The following SLC13A4 variants were observed in gnomAD, a reference collection of about 807,000 sequenced individuals.
SLC13A4 encodes Na(+)/sulfate cotransporter SUT-1.
In SLC13A4, 28 loss-of-function variants were observed where a neutral mutation model predicts 72.7. The observed-to-expected ratio is 0.39, with a 90% CI of 0.29 to 0.53. The LOEUF (loss-of-function observed/expected upper bound fraction) is 0.53, where lower values mean the gene tolerates loss of function less well. SLC13A4 is among the 20% of genes least tolerant of loss of function. The pLI, the probability that SLC13A4 is intolerant of heterozygous loss-of-function variation, is 0.78. For synonymous variants in SLC13A4, 312 were observed against 325.5 expected (o/e 0.96, Z 0.45); for missense variants, 653 against 788.0 (o/e 0.83, Z 2.05).
chr7:135,719,895 G>C (rs908200353), intron 2 of SLC13A4, among the ~76,000 whole-genome samples: 2 of 149,136 alleles, frequency 1.3e-5, no homozygotes, highest in Admixed American at 1.3e-4. Context: ...AGGAAAGAGA[G>C]AGAGAGAGGA....
chr7:135,685,301 TTCTAGAAC>T lies in SLC13A4; in HGVS notation c.1608+213_1608+220del, dbSNP rs137917810. On this transcript the variant is annotated intron_variant, in intron 14 of 15. Transcript: ENST00000682651. ...TAATCCTACTCTTTTGGACAAAGGT[TTCTAGAAC>T]TCTTGCTATGATTTATTAGTGTATC... 2.0e-3 allele frequency among the ~76,000 whole-genome samples: 301 copies of T among 152,374 alleles called. 1 individual carries two copies. The highest frequency in any genetic ancestry group is 0.017 in the Middle Eastern group (5 of 294).
At chr7:135,707,072 G>A (rs1196925195) in intron 3 of SLC13A4, among the ~76,000 whole-genome samples, 5 of 152,174 alleles carry the variant, frequency 3.3e-5, no homozygotes, top group Admixed American at 6.5e-5. Flanking sequence ...GGGACAGTAC[G>A]TTTATCATGT....
intron 2 of SLC13A4, among the ~76,000 whole-genome samples, chr7:135,711,263 C>T (rs988339391): frequency 2.0e-5 from 3 of 152,178 alleles, no homozygotes; most frequent in African/African-American, 7.2e-5. Context: ...CAAGTCAGTG[C>T]GACTGGGGTG....
At chr7:135,690,867 A>G (rs1474548510) in intron 13 of SLC13A4, among the ~76,000 whole-genome samples, 1 of 152,176 alleles carries the variant, frequency 6.6e-6, no homozygotes, top group Non-Finnish European at 1.5e-5. Flanking sequence ...TATTTGACCC[A>G]TAAGAACAGA....
rs17852804 is a variant in SLC13A4 at position 135,699,526 on chromosome 7, G to C, written c.737C>G (p.Pro246Arg). ...GTTCAGCTTCTGCTTCCTGGGGCTG[G>C]GGGTCAGGACTTGTGGCTTTTCCTA... ...PSQEKPQVLTPSPRKQKLNRK... is the reference protein window; with the variant it reads ...PSQEKPQVLTRSPRKQKLNRK... The change falls in exon 8 of 16, where the codon CCC (proline) becomes CGC (arginine). Residue 246 changes from proline (P) to arginine (R), a missense_variant. Physicochemically the swap from Pro to Arg is moderately radical, Grantham distance 103 (BLOSUM62 -2). Coordinates refer to ENST00000682651, the MANE Select transcript of SLC13A4 (RefSeq NM_001318192.2). 2 of 1,608,736 alleles carry C rather than the reference G, an allele frequency of 1.2e-6. No homozygotes were observed. Among genetic ancestry groups the C allele is most frequent in the Non-Finnish European group, 1.7e-6 (2 of 1,177,458 alleles).
chr7:135,712,082 C>T (rs977721623), intron 2 of SLC13A4, among the ~76,000 whole-genome samples: 7 of 143,146 alleles, frequency 4.9e-5, no homozygotes, highest in African/African-American at 1.8e-4. Flanking sequence ...TCTCAGTCTC[C>T]CAAAGTGCTG....
intron 9 of SLC13A4, among the ~76,000 whole-genome samples, chr7:135,694,649 C>T (rs962834639): frequency 1.3e-5 from 2 of 152,222 alleles, no homozygotes; most frequent in Non-Finnish European, 2.9e-5. Context: ...AACATTTTTA[C>T]TCCAGAGAAG....
At chr7:135,696,200 ACTC>A (rs1387886677) in intron 8 of SLC13A4, among the ~76,000 whole-genome samples, 2 of 151,566 alleles carry the variant, frequency 1.3e-5, no homozygotes, top group Admixed American at 1.3e-4. Flanking sequence ...TGGGCGTAAA[ACTC>A]CTCAAGTTGT....
chr7:135,724,267 G>C (rs1441760128), intron 1 of SLC13A4, among the ~76,000 whole-genome samples: 1 of 152,182 alleles, frequency 6.6e-6, no homozygotes, highest in African/African-American at 2.4e-5. Flanking sequence ...GGCCGAGGTG[G>C]GTGGATCAGT....
rs1796696411 is a variant in SLC13A4, at chr7:135,727,580, A to G, written c.-84T>C. On this transcript the variant is annotated 5_prime_UTR_variant, in exon 1 of 16. Transcript: ENST00000682651. ...TGCCTGGGCACTGCTCTCTATCCAGAAAGACTTCTTAAACCTTTCTTGGCT... is the reference window on the plus strand; with the variant it reads ...TGCCTGGGCACTGCTCTCTATCCAGGAAGACTTCTTAAACCTTTCTTGGCT... 2 of 1,466,924 alleles carry G rather than the reference A, an allele frequency of 1.4e-6. No homozygotes were observed. The highest frequency in any genetic ancestry group is 2.2e-5 in the Admixed American group (1 of 44,980). The allele number at this position is 1,466,924 out of a possible 1,614,324, so 90.9% of individuals were successfully genotyped here. A position where few individuals can be genotyped will look rare whatever the true frequency, so the allele number is the denominator to read the frequency against.
chr7:135,682,753 A>G (rs1432085166), intron 15 of SLC13A4, among the ~76,000 whole-genome samples: 1 of 152,234 alleles, frequency 6.6e-6, no homozygotes, highest in Non-Finnish European at 1.5e-5. Flanking sequence ...ATAGTGCCCA[A>G]GACTGGCTCA....
chr7:135,686,009 C>T (rs541234931), intron 13 of SLC13A4, among the ~76,000 whole-genome samples: 10 of 152,256 alleles, frequency 6.6e-5, no homozygotes, highest in Non-Finnish European at 1.5e-4. Context: ...CAACTTCAGT[C>T]TCGTTACCCT....
chr7:135,712,857 T>G (rs960125416), intron 2 of SLC13A4, among the ~76,000 whole-genome samples: 3 of 152,228 alleles, frequency 2.0e-5, no homozygotes, highest in Admixed American at 2.0e-4. Flanking sequence ...TAGAGTGTGT[T>G]GCAGATTTCC....
At chr7:135,683,197 G>T (rs1456195879) in intron 15 of SLC13A4, 4 of 200,942 alleles carry the variant, frequency 2.0e-5, no homozygotes, top group African/African-American at 9.7e-5. Context: ...TACTCTGGAG[G>T]TTGAGGCATG....
rs6958818 is a variant in SLC13A4 at position 135,698,442 on chromosome 7, C to G, written c.899+922G>C. Among the ~76,000 whole-genome samples, 5 of 147,050 alleles carry G rather than the reference C, an allele frequency of 3.4e-5. No individual in the cohort carries two copies. The South Asian group carries it at 1.1e-3, about 32-fold the overall frequency. On this transcript the variant is annotated intron_variant, in intron 8 of 15. Transcript: ENST00000682651. Reference sequence around the variant, plus strand: ...CTCTGTCTCCTGGGGTCAAGTGATTCTCCTGCCTCAGCCTCCTAAGTAGCG... The same window carrying G: ...CTCTGTCTCCTGGGGTCAAGTGATTGTCCTGCCTCAGCCTCCTAAGTAGCG...
At chr7:135,716,116 G>A (rs1200530082) in intron 2 of SLC13A4, among the ~76,000 whole-genome samples, 2 of 152,100 alleles carry the variant, frequency 1.3e-5, no homozygotes, top group South Asian at 2.1e-4. Context: ...CTGGTGTGAC[G>A]CTTTGGGCCT....
chr7:135,709,056 A>G (rs1164945239), intron 2 of SLC13A4, among the ~76,000 whole-genome samples: 1 of 150,748 alleles, frequency 6.6e-6, no homozygotes, highest in East Asian at 2.0e-4. Flanking sequence ...CAGCCTCCCG[A>G]GTAGCTGGGA....
Position 135,695,471 on chromosome 7 carries a change from C to T in SLC13A4, c.916G>A (p.Glu306Lys), listed in dbSNP as rs1484384948. 3 of 1,613,976 alleles carry T rather than the reference C, an allele frequency of 1.9e-6. No individual in the cohort carries two copies. The highest frequency in any genetic ancestry group is 2.7e-5 in the African/African-American group (2 of 74,928). ...AACCAGGTGCCAAAGTTCACCACCT[C>T]TGCGGCTGGATACTGGCTGGAGGGT... ...EHFNNQYPAAEVVNFGTWFLF... is the reference protein window; with the variant it reads ...EHFNNQYPAAKVVNFGTWFLF... Residue 306 changes from glutamate to lysine, a missense_variant, in exon 9 of 16, where the codon GAG becomes AAG. By Grantham distance (56) the Glu-to-Lys change is moderately conservative (BLOSUM62 1). Transcript: ENST00000682651.
Position 135,708,268 on chromosome 7 carries a change from A to C in SLC13A4, c.229-18T>G. 6.2e-7 allele frequency: 1 copy of C among 1,613,972 alleles called. No individual in the cohort carries two copies. Among genetic ancestry groups the C allele is most frequent in the Admixed American group, 1.7e-5 (1 of 60,018 alleles). On this transcript the variant is annotated intron_variant, in intron 2 of 15. Transcript: ENST00000682651. ...GCCGCCACCTGTAGGGAGGCCAGGC[A>C]TGTCAGTCACCCTCCCGGACCAAAG...
Sources: gnomAD v4.1 joint callset for allele counts (sites outside exome capture counted in the v4.1 genomes callset) on GRCh38, gnomAD v4.1.1 for gene constraint, MANE v1.5 for transcripts, NCBI Gene and HGNC (gene_info 2026-07-23, HGNC 2026-07-21) for gene names.